ATG13: variants seen among roughly 807,000 people sequenced by gnomAD.
ATG13 encodes the protein autophagy related 13, also known as autophagy-related protein 13.
Under a neutral mutation model 65.5 loss-of-function variants are expected in ATG13, and 23 were observed. The observed-to-expected ratio is 0.35, with a 90% CI of 0.25 to 0.50. ATG13 has a LOEUF of 0.50. Among genes scored for constraint, ATG13 ranks in the 20% least tolerant of loss-of-function variants. The pLI is 0.98. For synonymous variants in ATG13, 252 were observed against 245.2 expected (o/e 1.03, Z -0.26); for missense variants, 566 against 677.0 (o/e 0.84, Z 1.82).
intron 1 of ATG13, among the ~76,000 whole-genome samples, chr11:46,624,741 A>G (rs1270421761): frequency 6.6e-6 from 1 of 152,146 alleles, no homozygotes; most frequent in Non-Finnish European, 1.5e-5. Flanking sequence ...TCAGCTCATT[A>G]GCTCATTGGC....
Position 46,672,544 on chromosome 11 carries a change from C to G in ATG13, c.*212C>G. On this transcript the variant is annotated 3_prime_UTR_variant, in exon 19 of 19. Transcript: ENST00000683050. Reference sequence around the variant, plus strand: ...CCAGTGCCCAGTTGGAGAAGACTCACGTGCTGGCCTTGGAGATGGGAAGAA... The same window carrying G: ...CCAGTGCCCAGTTGGAGAAGACTCAGGTGCTGGCCTTGGAGATGGGAAGAA... The G allele has an allele frequency of 6.9e-7, 1 of 1,452,172 alleles. No individual in the cohort carries two copies. Among genetic ancestry groups the G allele is most frequent in the South Asian group, 1.3e-5 (1 of 74,854 alleles). 90.0% of individuals were successfully genotyped at this position (1,452,172 alleles called of 1,614,324 possible). A position where few individuals can be genotyped will look rare whatever the true frequency, so the allele number is the denominator to read the frequency against.
chr11:46,647,478 A>G (rs566306281), intron 5 of ATG13, among the ~76,000 whole-genome samples: 6 of 151,824 alleles, frequency 4.0e-5, no homozygotes, highest in African/African-American at 1.4e-4. Context: ...AGGTTTCACC[A>G]TGTTGGCCAG....
At chr11:46,658,930 C>T (rs2060587577) in intron 10 of ATG13, among the ~76,000 whole-genome samples, 1 of 152,152 alleles carries the variant, frequency 6.6e-6, no homozygotes, top group South Asian at 2.1e-4. Flanking sequence ...TGGCTCACAC[C>T]TGTAATCCTA....
At chr11:46,631,993 A>G (rs1254546456) in intron 2 of ATG13, among the ~76,000 whole-genome samples, 1 of 152,202 alleles carries the variant, frequency 6.6e-6, no homozygotes, top group Non-Finnish European at 1.5e-5. Context: ...ATGTGCAGAG[A>G]TGTTGCAAAA....
At chr11:46,643,747 C>T (rs1006420880) in intron 2 of ATG13, among the ~76,000 whole-genome samples, 1 of 151,978 alleles carries the variant, frequency 6.6e-6, no homozygotes, top group Non-Finnish European at 1.5e-5. Flanking sequence ...TGACCCATAG[C>T]GGCCAGCCAG....
At chr11:46,664,377 A>G (rs959573717) in intron 12 of ATG13, among the ~76,000 whole-genome samples, 8 of 152,084 alleles carry the variant, frequency 5.3e-5, no homozygotes, top group Middle Eastern at 3.2e-3. Context: ...GTCTTTTTTC[A>G]ATATAAATAG....
chr11:46,656,757 T>A (rs2060121965), intron 8 of ATG13, among the ~76,000 whole-genome samples: 1 of 152,222 alleles, frequency 6.6e-6, no homozygotes, highest in South Asian at 2.1e-4. Flanking sequence ...TGATGTATCC[T>A]TTGCAGGGCT....
Position 46,644,273 on chromosome 11 carries a change from T to G in ATG13, c.-13-6T>G. On this transcript the variant is annotated splice_polypyrimidine_tract_variant and splice_region_variant and intron_variant, in intron 2 of 18. Coordinates refer to ENST00000683050, the MANE Select transcript of ATG13 (RefSeq NM_001346311.2). ...TAGTCATATTTTTTTCACTTTTTTTTTTTAGATTCCTATAGGCAATGGAAA... is the reference window on the plus strand; with the variant it reads ...TAGTCATATTTTTTTCACTTTTTTTGTTTAGATTCCTATAGGCAATGGAAA... The G allele has an allele frequency of 6.3e-7, 1 of 1,575,350 alleles. No homozygotes were observed. The highest frequency in any genetic ancestry group is 8.6e-7 in the Non-Finnish European group (1 of 1,164,496).
intron 14 of ATG13, 60 bp from the exon 15 acceptor site, chr11:46,667,713 T>C: frequency 1.5e-6 from 2 of 1,350,334 alleles, no homozygotes; most frequent in Non-Finnish European, 2.1e-6. Context: ...GTATTTATAG[T>C]GAACTAAGTC....
At chr11:46,635,643 A>C (rs1252950320) in intron 2 of ATG13, among the ~76,000 whole-genome samples, 1 of 152,238 alleles carries the variant, frequency 6.6e-6, no homozygotes, top group Non-Finnish European at 1.5e-5. Context: ...GCAAAGAGCA[A>C]AGCGTAAAGT....
chr11:46,619,372 CTTTTTTTTT>C (rs746642470), intron 1 of ATG13, among the ~76,000 whole-genome samples: 33 of 35,322 alleles, frequency 9.3e-4, no homozygotes, highest in South Asian at 1.6e-3. Flanking sequence ...AGATTTCTTG[CTTTTTTTTT>C]TTTTTTTTTT....
At chr11:46,632,975 C>T (rs1188731270) in intron 2 of ATG13, among the ~76,000 whole-genome samples, 5 of 134,212 alleles carry the variant, frequency 3.7e-5, no homozygotes, top group East Asian at 4.7e-4. Flanking sequence ...CCAGCCTGGG[C>T]GACAGAGCAA....
chr11:46,634,045 C>T (rs2052983246), intron 2 of ATG13, among the ~76,000 whole-genome samples: 1 of 152,010 alleles, frequency 6.6e-6, no homozygotes, highest in South Asian at 2.1e-4. Context: ...GGCCTCTGAT[C>T]GCCTTTTTGA....
At chr11:46,648,870 G>A (rs949062967) in intron 5 of ATG13, 1 of 269,348 alleles carries the variant, frequency 3.7e-6, no homozygotes, top group African/African-American at 2.2e-5. Context: ...GTCATATGGT[G>A]GGATACTGTG....
chr11:46,646,240 C>G (rs977881194), intron 5 of ATG13, among the ~76,000 whole-genome samples: 1 of 152,080 alleles, frequency 6.6e-6, no homozygotes, highest in African/African-American at 2.4e-5. Flanking sequence ...CCTCTGCCTC[C>G]CAGGTTCAAG....
intron 5 of ATG13, among the ~76,000 whole-genome samples, chr11:46,646,560 T>C (rs1325909100): frequency 1.3e-5 from 2 of 151,836 alleles, no homozygotes; most frequent in Non-Finnish European, 2.9e-5. Context: ...GCTTCCTGGA[T>C]TCAAGCGATT....
chr11:46,653,523 A>C (rs2059344718), intron 7 of ATG13, among the ~76,000 whole-genome samples: 1 of 151,278 alleles, frequency 6.6e-6, no homozygotes, highest in Non-Finnish European at 1.5e-5. Flanking sequence ...CCTAGGATTC[A>C]GATTTATCCT....
intron 10 of ATG13, among the ~76,000 whole-genome samples, chr11:46,659,054 G>T (rs1051113090): frequency 1.2e-4 from 19 of 152,078 alleles, no homozygotes; most frequent in Admixed American, 3.3e-4. Flanking sequence ...TGAGCATGGT[G>T]GTACATTCCT....
intron 17 of ATG13, 44 bp downstream of exon 17, chr11:46,668,954 C>T: frequency 6.8e-7 from 1 of 1,466,332 alleles, no homozygotes; most frequent in Non-Finnish European, 9.5e-7. Context: ...TCCCGGGGAA[C>T]TAGACCTAGA....
Sources: allele counts gnomAD v4.1 joint callset (sites outside exome capture counted in the v4.1 genomes callset), GRCh38; gene constraint gnomAD v4.1.1; transcripts MANE v1.5; gene names NCBI Gene and HGNC (gene_info 2026-07-23, HGNC 2026-07-21).